Variants in NWD2 observed in about 807,000 individuals in gnomAD.
NWD2 encodes the protein NACHT and WD repeat domain-containing protein 2.
A neutral mutation model predicts 132.7 loss-of-function variants in NWD2; 37 were observed. The ratio of observed to expected loss-of-function variants is 0.28; its 90% CI spans 0.21 to 0.37. NWD2 has a LOEUF of 0.37. NWD2 is among the 10% of genes least tolerant of loss of function. The pLI is 1.00. For missense variants in NWD2, 1,592 were observed against 2,122.4 expected (o/e 0.75, Z 4.91); for synonymous variants, 705 against 803.0 (o/e 0.88, Z 2.06).
chr4:37,367,333 A>G lies in NWD2; in HGVS notation c.357+10851A>G, dbSNP rs1383184326. On this transcript the variant is annotated intron_variant, in intron 3 of 6. Coordinates refer to ENST00000309447, the MANE Select transcript of NWD2 (RefSeq NM_001144990.2). ...CTTGTGGATTCAGCTAATGATACAAATTTCAAATTATGGATTTCTATTTTT... is the reference window on the plus strand; with the variant it reads ...CTTGTGGATTCAGCTAATGATACAAGTTTCAAATTATGGATTTCTATTTTT... 2.0e-5 allele frequency among the ~76,000 whole-genome samples: 3 copies of G among 152,218 alleles called. No homozygotes were observed. The East Asian group carries it at 5.8e-4, about 29-fold the overall frequency.
chr4:37,319,045 A>T (rs749328057), intron 1 of NWD2, among the ~76,000 whole-genome samples: 9 of 152,078 alleles, frequency 5.9e-5, no homozygotes, highest in Non-Finnish European at 8.8e-5. Flanking sequence ...ATTTTTTGAG[A>T]AATCTCCAAA....
At chr4:37,371,990 A>G (rs1553896127) in intron 3 of NWD2, among the ~76,000 whole-genome samples, 3 of 152,204 alleles carry the variant, frequency 2.0e-5, no homozygotes, top group Non-Finnish European at 2.9e-5. Context: ...GTTTCTTGAA[A>G]TATGGTGTAT....
At chr4:37,328,504 C>G (rs1469609881) in intron 2 of NWD2, among the ~76,000 whole-genome samples, 1 of 151,636 alleles carries the variant, frequency 6.6e-6, no homozygotes, top group African/African-American at 2.4e-5. Flanking sequence ...GTTTGGTTTT[C>G]TGTTCCTGTG....
intron 1 of NWD2, among the ~76,000 whole-genome samples, chr4:37,258,495 T>A (rs144479380): frequency 6.6e-4 from 101 of 152,314 alleles, no homozygotes; most frequent in African/African-American, 2.3e-3. Context: ...TGTTAATCAT[T>A]TATTTGTTAA....
At chr4:37,249,723 G>T (rs1216595632) in intron 1 of NWD2, among the ~76,000 whole-genome samples, 1 of 152,162 alleles carries the variant, frequency 6.6e-6, no homozygotes, top group Non-Finnish European at 1.5e-5. Flanking sequence ...GCATTTTTCT[G>T]TCCACTCAGA....
intron 1 of NWD2, among the ~76,000 whole-genome samples, chr4:37,282,888 A>T (rs1487157035): frequency 6.6e-6 from 1 of 152,238 alleles, no homozygotes; most frequent in African/African-American, 2.4e-5. Flanking sequence ...TAATTATAAC[A>T]GGTACTGTTT....
At chr4:37,245,292 C>A in intron 1 of NWD2, 74 bp downstream of exon 1, 2 of 1,434,794 alleles carry the variant, frequency 1.4e-6, no homozygotes, top group Non-Finnish European at 9.2e-7. Flanking sequence ...AGTGTGTGTC[C>A]GCCCCACAGC....
At chr4:37,334,142 G>A (rs1006974025) in intron 2 of NWD2, among the ~76,000 whole-genome samples, 3 of 152,134 alleles carry the variant, frequency 2.0e-5, no homozygotes, top group Non-Finnish European at 2.9e-5. Context: ...TGTATTCAAA[G>A]GGATAATAAC....
chr4:37,371,072 C>CTTTTT lies in NWD2; in HGVS notation c.357+14591_357+14595dup, dbSNP rs1309185055. On this transcript the variant is annotated intron_variant, in intron 3 of 6. Transcript: ENST00000309447. The stretch of plus-strand genomic sequence containing the variant: ...TGCCAAAGAAGTTCAATTTTTTTTT[C>CTTTTT]TTTTTCTTTTTTTTTTTTTTTTTGA... 6.5e-4 allele frequency among the ~76,000 whole-genome samples: 65 copies of CTTTTT among 100,514 alleles called. 8 individuals are homozygous for CTTTTT. The highest frequency in any genetic ancestry group is 1.6e-3 in the African/African-American group (42 of 25,520). The allele number at this position is 100,514 out of a possible 152,430, so 65.9% of individuals were successfully genotyped here.
At chr4:37,356,587 CTT>C in intron 3 of NWD2, 105 bp downstream of exon 3, 1 of 697,224 alleles carries the variant, frequency 1.4e-6, no homozygotes, top group Non-Finnish European at 2.4e-6. Flanking sequence ...GGGAAAAAGA[CTT>C]TTTTATGTCT....
At chr4:37,268,543 A>T (rs1717805544) in intron 1 of NWD2, among the ~76,000 whole-genome samples, 2 of 151,934 alleles carry the variant, frequency 1.3e-5, no homozygotes, top group African/African-American at 4.8e-5. Context: ...GGAAGCATCT[A>T]GTTAATATGC....
chr4:37,445,677 A>G lies in NWD2; in HGVS notation c.3689A>G (p.His1230Arg). The G allele has an allele frequency of 1.3e-6, 2 of 1,552,132 alleles. No individual in the cohort carries two copies. Among genetic ancestry groups the G allele is most frequent in the Non-Finnish European group, 1.7e-6 (2 of 1,147,106 alleles). ...GTGGCTGAAAAGTTCAGAGCCAAGCACAACGAACGCTTTATATCTGCCGTG... is the reference window on the plus strand; with the variant it reads ...GTGGCTGAAAAGTTCAGAGCCAAGCGCAACGAACGCTTTATATCTGCCGTG... ...WKVAEKFRAKHNERFISAVLS... is the reference protein window; with the variant it reads ...WKVAEKFRAKRNERFISAVLS... Residue 1230 changes from histidine to arginine, a missense_variant, in exon 7 of 7, where the codon CAC becomes CGC. Around this residue, in one of 7 missense-constraint regions of NWD2, gnomAD observed 1,071 missense variants for 1,398.0 expected, o/e 0.77. Coordinates refer to ENST00000309447, the MANE Select transcript of NWD2 (RefSeq NM_001144990.2). This position sits in a 1 kb window ranked among gnomAD's most constrained non-coding sequence, Gnocchi z 4.7.
chr4:37,346,849 T>G (rs1719647433), intron 2 of NWD2, among the ~76,000 whole-genome samples: 2 of 152,154 alleles, frequency 1.3e-5, no homozygotes, highest in Admixed American at 1.3e-4. Context: ...AATTGTTATT[T>G]AATTTCATCA....
intron 1 of NWD2, among the ~76,000 whole-genome samples, chr4:37,314,926 G>A (rs1718928844): frequency 6.6e-6 from 1 of 151,982 alleles, no homozygotes; most frequent in Non-Finnish European, 1.5e-5. Flanking sequence ...CACTGCTTTA[G>A]CTCCATTTGA....
At position 37,433,920 on chromosome 4, in the gene NWD2, G is replaced by A; in HGVS notation, c.606G>A (p.Glu202=). The A allele has an allele frequency of 6.5e-7, 1 of 1,548,388 alleles. No individual in the cohort carries two copies. Among genetic ancestry groups the A allele is most frequent in the Non-Finnish European group, 8.7e-7 (1 of 1,144,956 alleles). The change falls in exon 5 of 7, where the codon GAG becomes GAA. Residue 202 remains glutamate (E), a synonymous_variant. Coordinates refer to ENST00000309447, the MANE Select transcript of NWD2 (RefSeq NM_001144990.2). ...CTGAAAACGAGAAGACATGGCAAGA[G>A]ATATCAGATGAGATCAAGAAGATAT... ...TNAENEKTWQ[E]ISDEIKKIFK...
At chr4:37,305,227 T>A (rs1188349669) in intron 1 of NWD2, among the ~76,000 whole-genome samples, 1 of 152,228 alleles carries the variant, frequency 6.6e-6, no homozygotes, top group East Asian at 1.9e-4. Flanking sequence ...ACAGGGAACC[T>A]GTTTCAGGCC....
At chr4:37,417,608 C>A (rs953511897) in intron 3 of NWD2, among the ~76,000 whole-genome samples, 6 of 152,014 alleles carry the variant, frequency 3.9e-5, no homozygotes, top group Admixed American at 1.3e-4. Flanking sequence ...AATAAGGGAG[C>A]CTGGAGGCCT....
intron 6 of NWD2, among the ~76,000 whole-genome samples, chr4:37,441,695 G>A (rs1332156436): frequency 3.3e-5 from 5 of 152,082 alleles, no homozygotes; most frequent in Admixed American, 1.3e-4. Context: ...TCCAGGAGTC[G>A]GGTCCTCCAA....
chr4:37,405,419 TGTA>T, intron 3 of NWD2, among the ~76,000 whole-genome samples: 1 of 147,940 alleles, frequency 6.8e-6, no homozygotes, highest in Admixed American at 6.9e-5. Context: ...TTTAGTTGAA[TGTA>T]ATAGAATAGA....
Sources: allele counts gnomAD v4.1 joint callset (sites outside exome capture counted in the v4.1 genomes callset), GRCh38; gene constraint gnomAD v4.1.1; regional missense constraint gnomAD v4.1.1; non-coding constraint Gnocchi (gnomAD v3.1); transcripts MANE v1.5; gene names NCBI Gene and HGNC (gene_info 2026-07-23, HGNC 2026-07-21).